The following CPS1 variants were observed in gnomAD, a reference collection of about 807,000 sequenced individuals.
CPS1 encodes the protein carbamoyl-phosphate synthase [ammonia], mitochondrial.
Under a neutral mutation model 174.6 loss-of-function variants are expected in CPS1, and 109 were observed. That is an observed-to-expected ratio of 0.62 (90% CI 0.53 to 0.73). The LOEUF is 0.73. CPS1 is among the 30% of genes least tolerant of loss of function. The pLI, the probability that CPS1 is intolerant of heterozygous loss-of-function variation, is 0.00. For missense variants in CPS1, 1,689 were observed against 1,821.9 expected (o/e 0.93, Z 1.33); for synonymous variants, 637 against 632.0 (o/e 1.01, Z -0.12).
intron 1 of CPS1, among the ~76,000 whole-genome samples, chr2:210,512,664 C>T (rs1279173967): frequency 1.4e-5 from 2 of 145,350 alleles, no homozygotes; most frequent in Non-Finnish European, 1.5e-5. Context: ...CTGCAATGAA[C>T]ATGTGTATGC....
At chr2:210,483,500 G>A (rs182954164) in intron 1 of CPS1, among the ~76,000 whole-genome samples, 1 of 152,262 alleles carries the variant, frequency 6.6e-6, no homozygotes, top group African/African-American at 2.4e-5. Flanking sequence ...CTTCTGACTT[G>A]AGAGCCAATA....
In CPS1 at chr2:210,599,525, A is replaced by G. The variant is rs762098561; in HGVS notation, c.1513A>G (p.Ile505Val). Residue 505 changes from isoleucine to valine, a missense_variant, in exon 14 of 38, where the codon ATT (isoleucine) becomes GTT (valine). Ile to Val is a conservative substitution (Grantham distance 29). Coordinates refer to ENST00000233072, the MANE Select transcript of CPS1 (RefSeq NM_001875.5). The part of the protein sequence containing the change: ...VIKAEQPDGL[I>V]LGMGGQTALN... Reference sequence around the variant, plus strand: ...CAAGGCAGAACAGCCAGATGGGTTAATTCTGGGCATGGGTGGCCAGACAGC... The same window carrying G: ...CAAGGCAGAACAGCCAGATGGGTTAGTTCTGGGCATGGGTGGCCAGACAGC... The G allele has an allele frequency of 6.2e-7, 1 of 1,612,494 alleles. No individual in the cohort carries two copies. Among genetic ancestry groups the G allele is most frequent in the South Asian group, 1.1e-5 (1 of 91,062 alleles).
At chr2:210,669,253 T>C (rs1449018186) in intron 34 of CPS1, among the ~76,000 whole-genome samples, 1 of 152,170 alleles carries the variant, frequency 6.6e-6, no homozygotes, top group East Asian at 1.9e-4. Flanking sequence ...CTTTTATTAC[T>C]ATTACTAATT....
chr2:210,567,996 A>C (rs1456025312), intron 1 of CPS1, among the ~76,000 whole-genome samples: 1 of 152,198 alleles, frequency 6.6e-6, no homozygotes, highest in African/African-American at 2.4e-5. Context: ...CTGTGTAGTG[A>C]GAACATTACT....
At chr2:210,508,799 T>C (rs574958820) in intron 1 of CPS1, among the ~76,000 whole-genome samples, 18 of 152,184 alleles carry the variant, frequency 1.2e-4, no homozygotes, top group East Asian at 5.8e-4. Flanking sequence ...ATAAATTCCT[T>C]GACACATACA....
intron 1 of CPS1, among the ~76,000 whole-genome samples, chr2:210,500,965 G>A (rs1454656729): frequency 6.6e-6 from 1 of 152,172 alleles, no homozygotes; most frequent in Non-Finnish European, 1.5e-5. Context: ...TATATCCTCT[G>A]AAATCTAGGT....
Position 210,670,995 on chromosome 2 carries a change from G to A in CPS1, c.4101+2711G>A, listed in dbSNP as rs76247011. Among the ~76,000 whole-genome samples the A allele has an allele frequency of 2.8e-3, 421 of 152,266 alleles. 3 individuals carry two copies. Among genetic ancestry groups the A allele is most frequent in the African/African-American group, 9.8e-3 (407 of 41,562 alleles). The stretch of plus-strand genomic sequence containing the variant: ...TCTAACATAAGAAAGGCATAACACA[G>A]GTTTATATGGCAACAAAAATCATCT... On this transcript the variant is annotated intron_variant, in intron 34 of 37. Transcript: ENST00000233072.
At chr2:210,508,800 G>C (rs1162812958) in intron 1 of CPS1, among the ~76,000 whole-genome samples, 1 of 152,168 alleles carries the variant, frequency 6.6e-6, no homozygotes, top group Admixed American at 6.5e-5. Context: ...TAAATTCCTT[G>C]ACACATACAC....
intron 1 of CPS1, among the ~76,000 whole-genome samples, chr2:210,566,667 C>T (rs1243425829): frequency 6.6e-6 from 1 of 152,154 alleles, no homozygotes; most frequent in African/African-American, 2.4e-5. Context: ...TCAGAAACCG[C>T]TGCTCTTCCA....
intron 21 of CPS1, among the ~76,000 whole-genome samples, chr2:210,616,808 A>G (rs1350657396): frequency 1.3e-5 from 2 of 151,904 alleles, no homozygotes; most frequent in African/African-American, 4.8e-5. Context: ...TTTTGAATGC[A>G]CAAAATTGGT....
At chr2:210,604,944 A>G in intron 16 of CPS1, 158 bp from the exon 17 acceptor site, 3 of 728,546 alleles carry the variant, frequency 4.1e-6, no homozygotes, top group African/African-American at 3.5e-5. Flanking sequence ...TACCTCACTG[A>G]TTTTCTGACA....
chr2:210,677,676 G>A (rs996525753), intron 37 of CPS1, among the ~76,000 whole-genome samples: 29 of 152,252 alleles, frequency 1.9e-4, no homozygotes, highest in African/African-American at 6.3e-4. Context: ...AGAAATAAGC[G>A]TATTCACAGT....
intron 6 of CPS1, among the ~76,000 whole-genome samples, chr2:210,585,001 G>A (rs557736520): frequency 7.2e-5 from 11 of 152,102 alleles, no homozygotes; most frequent in African/African-American, 2.6e-4. Context: ...TCAGCTCATT[G>A]TTCCTTTGTG....
chr2:210,526,496 A>G (rs1297563309), intron 1 of CPS1, among the ~76,000 whole-genome samples: 2 of 151,988 alleles, frequency 1.3e-5, no homozygotes, highest in Non-Finnish European at 2.9e-5. Flanking sequence ...CTTATCTGTA[A>G]AAGAGAGAAG....
intron 33 of CPS1, among the ~76,000 whole-genome samples, chr2:210,664,216 G>A (rs1054689998): frequency 6.6e-6 from 1 of 152,164 alleles, no homozygotes; most frequent in Non-Finnish European, 1.5e-5. Context: ...TCGGTTTAAG[G>A]AGACAGTCTT....
chr2:210,575,508 A>ATCGTGTG (rs1697666907), intron 2 of CPS1, among the ~76,000 whole-genome samples: 1 of 115,476 alleles, frequency 8.7e-6, no homozygotes, highest in African/African-American at 3.8e-5. Flanking sequence ...CACACACGAT[A>ATCGTGTG]TGTATATGCA....
Position 210,650,382 on chromosome 2 carries a change from G to A in CPS1, c.3424G>A (p.Val1142Ile), listed in dbSNP as rs1700522673. Residue 1142 changes from valine (V) to isoleucine (I), a missense_variant, in exon 28 of 38, where the codon GTA becomes ATA. By Grantham distance (29) the Val-to-Ile change is conservative. Coordinates refer to ENST00000233072, the MANE Select transcript of CPS1 (RefSeq NM_001875.5). ...TTCCAGTGGGTCTGCTATGAATGTG[G>A]TATTCTCTGAGGATGAGATGAAAAA... is the stretch of plus-strand genomic sequence containing the variant. ...YVLSGSAMNV[V>I]FSEDEMKKFL... 6.2e-7 allele frequency: 1 copy of A among 1,613,546 alleles called. No homozygotes were observed. Among genetic ancestry groups the A allele is most frequent in the South Asian group, 1.1e-5 (1 of 91,056 alleles).
intron 16 of CPS1, among the ~76,000 whole-genome samples, chr2:210,602,613 A>G (rs1698767340): frequency 6.6e-6 from 1 of 151,970 alleles, no homozygotes; most frequent in Admixed American, 6.6e-5. Flanking sequence ...AAGGAGATGA[A>G]CTTAATTCAA....
At chr2:210,587,954 C>A in intron 6 of CPS1, 104 bp from the exon 7 acceptor site, 1 of 1,002,290 alleles carries the variant, frequency 1.0e-6, no homozygotes, top group Non-Finnish European at 1.6e-6. Context: ...AACAATCAAT[C>A]TGTTACCAAT....
Sources: allele counts gnomAD v4.1 joint callset (sites outside exome capture counted in the v4.1 genomes callset), GRCh38; gene constraint gnomAD v4.1.1; transcripts MANE v1.5; gene names NCBI Gene and HGNC (gene_info 2026-07-23, HGNC 2026-07-21).